CTNNA1: variants seen among roughly 807,000 people sequenced by gnomAD.
The protein encoded by CTNNA1 is catenin alpha 1.
CTNNA1 carries 37 observed loss-of-function variants against 98.4 expected under a neutral mutation model. The observed-to-expected ratio is 0.38, with a 90% CI of 0.29 to 0.49. The LOEUF (loss-of-function observed/expected upper bound fraction) is 0.49, where lower values mean the gene tolerates loss of function less well. Ranked by LOEUF, CTNNA1 falls within the 20% of genes least tolerant of loss-of-function variation. CTNNA1 has a pLI of 0.95. For synonymous variants in CTNNA1, 404 were observed against 413.2 expected, an observed-to-expected ratio of 0.98 and a Z score of 0.27; for missense variants, 761 against 1,147.2, an observed-to-expected ratio of 0.66 and a Z score of 4.86.
At chr5:138,864,990 T>G (rs916782747) in intron 7 of CTNNA1, among the ~76,000 whole-genome samples, 2 of 152,050 alleles carry the variant, frequency 1.3e-5, no homozygotes, top group African/African-American at 2.4e-5. Flanking sequence ...ATTTTTGTAT[T>G]TTTAGTAGAG....
Position 138,918,050 on chromosome 5 carries a change from A to G in CTNNA1, c.1546+152A>G, listed in dbSNP as rs990021560. ...TTTTCATTTTAATGTTAAAAAAGCT[A>G]TCAGCTACAGGGTTTTCAAGTGACA... On this transcript the variant is annotated intron_variant, in intron 11 of 17. Coordinates refer to ENST00000302763, the MANE Select transcript of CTNNA1 (RefSeq NM_001903.5). 7.6e-6 allele frequency: 7 copies of G among 918,970 alleles called. 1 individual carries two copies. In the South Asian group the frequency reaches 1.0e-4, roughly 14 times the overall value. 56.9% of individuals were successfully genotyped at this position (918,970 alleles called of 1,614,324 possible). A position where few individuals can be genotyped will look rare whatever the true frequency, so the allele number is the denominator to read the frequency against.
intron 3 of CTNNA1, among the ~76,000 whole-genome samples, chr5:138,796,784 C>T (rs1383683490): frequency 6.6e-6 from 1 of 152,078 alleles, no homozygotes; most frequent in African/African-American, 2.4e-5. Flanking sequence ...GTCATTTTAG[C>T]GCAGGGCTGT....
intron 3 of CTNNA1, among the ~76,000 whole-genome samples, chr5:138,786,482 C>T (rs148817117): frequency 1.3e-5 from 2 of 152,134 alleles, no homozygotes; most frequent in African/African-American, 4.8e-5. Context: ...TTGGACACCC[C>T]TCCCTTAAAA....
chr5:138,775,800 G>A (rs1475399273), intron 1 of CTNNA1, among the ~76,000 whole-genome samples: 1 of 135,872 alleles, frequency 7.4e-6, no homozygotes, highest in African/African-American at 2.8e-5. Context: ...TCGGTTCACT[G>A]CAACCTCCGC....
chr5:138,788,322 A>G (rs1319954802), intron 3 of CTNNA1, among the ~76,000 whole-genome samples: 2 of 152,204 alleles, frequency 1.3e-5, no homozygotes, highest in African/African-American at 2.4e-5. Flanking sequence ...CGAGAAGTAC[A>G]GTAAGAGAAA....
chr5:138,909,131 A>G lies in CTNNA1; in HGVS notation c.1389+4690A>G, dbSNP rs869312565. On this transcript the variant is annotated intron_variant, in intron 10 of 17. Coordinates refer to ENST00000302763, the MANE Select transcript of CTNNA1 (RefSeq NM_001903.5). ...GGTTTCTGACATTTTGAGTCTTTAA[A>G]ATCAGAGGAGGGCATTTTGGAGATT... 5.3e-5 allele frequency among the ~76,000 whole-genome samples: 8 copies of G among 152,172 alleles called. No individual in the cohort carries two copies. The highest frequency in any genetic ancestry group is 8.8e-5 in the Non-Finnish European group (6 of 68,036).
rs1763595481 is a variant in CTNNA1 at position 138,924,532 on chromosome 5, GA to G, written c.1571del (p.Asn524ThrfsTer32). The G allele has an allele frequency of 6.2e-7, 1 of 1,614,012 alleles. No homozygotes were observed. The highest frequency in any genetic ancestry group is 8.5e-7 in the Non-Finnish European group (1 of 1,180,036). The part of the protein sequence containing the change: ...VSENHILEDV[N>X]KCVIALQEKD... Reference sequence around the variant, plus strand: ...CAGAGAATCACATTTTGGAAGATGTGAACAAATGTGTCATTGCTCTCCAAGA... The same window carrying G: ...CAGAGAATCACATTTTGGAAGATGTGACAAATGTGTCATTGCTCTCCAAGA... On this transcript the variant is annotated frameshift_variant, in exon 12 of 18. Coordinates refer to ENST00000302763, the MANE Select transcript of CTNNA1 (RefSeq NM_001903.5). LOFTEE classifies it high-confidence loss of function.
chr5:138,917,033 C>G (rs1428408177), intron 10 of CTNNA1, among the ~76,000 whole-genome samples: 1 of 152,042 alleles, frequency 6.6e-6, no homozygotes, highest in East Asian at 1.9e-4. Context: ...CTTGGCCTCC[C>G]AAGTGTTGGG....
intron 5 of CTNNA1, 138 bp from the exon 6 acceptor site, chr5:138,824,392 C>T: frequency 1.0e-6 from 1 of 958,602 alleles, no homozygotes; most frequent in Non-Finnish European, 1.5e-6. Context: ...TTGTGATTGA[C>T]TCTCAACTAG....
At chr5:138,879,244 T>A (rs2149978342) in intron 7 of CTNNA1, among the ~76,000 whole-genome samples, 1 of 150,942 alleles carries the variant, frequency 6.6e-6, no homozygotes, top group Middle Eastern at 3.5e-3. Flanking sequence ...TTATGTCCTC[T>A]GCCAAGAACC....
chr5:138,832,746 T>A (rs1438598059), intron 7 of CTNNA1, among the ~76,000 whole-genome samples: 9 of 152,232 alleles, frequency 5.9e-5, no homozygotes, highest in Non-Finnish European at 1.0e-4. Context: ...AAACATGAAA[T>A]ATCCGTAGAA....
chr5:138,848,809 C>T (rs1479345779), intron 7 of CTNNA1, among the ~76,000 whole-genome samples: 3 of 152,154 alleles, frequency 2.0e-5, no homozygotes, highest in Non-Finnish European at 1.5e-5. Flanking sequence ...ACTGCAACCT[C>T]CACTTCCTGG....
At chr5:138,783,106 T>A in intron 2 of CTNNA1, 71 bp from the exon 3 acceptor site, 1 of 1,194,126 alleles carries the variant, frequency 8.4e-7, no homozygotes, top group East Asian at 2.4e-5. Context: ...TAACTTAATC[T>A]TGCTGTCTTT....
chr5:138,821,010 G>A (rs963512280), intron 5 of CTNNA1, among the ~76,000 whole-genome samples: 5 of 152,212 alleles, frequency 3.3e-5, no homozygotes, highest in South Asian at 2.1e-4. Context: ...CTGCTGTCTA[G>A]AATATTGCCT....
In CTNNA1 at chr5:138,917,757, C is replaced by T. The variant is rs28363462; in HGVS notation, c.1405C>T (p.Leu469=). 1.9e-3 allele frequency: 3,043 copies of T among 1,614,036 alleles called. 50 individuals carry two copies. In the African/African-American group the frequency reaches 0.037, roughly 19 times the overall value. ...TCTTTTGCAGGTTATTAATGCTGCA[C>T]TGGCTTTAGCAGCAAAACCACAGAG... is the stretch of plus-strand genomic sequence containing the variant. ...ALCPQVINAA[L]ALAAKPQSKL... The change falls in exon 11 of 18, where the codon CTG becomes TTG. Residue 469 remains leucine (L), a synonymous_variant. Coordinates refer to ENST00000302763, the MANE Select transcript of CTNNA1 (RefSeq NM_001903.5).
chr5:138,790,303 T>C (rs1756214551), intron 3 of CTNNA1, among the ~76,000 whole-genome samples: 1 of 152,246 alleles, frequency 6.6e-6, no homozygotes, highest in African/African-American at 2.4e-5. Flanking sequence ...TTTATTTTCC[T>C]GTGACTTGAG....
At chr5:138,812,492 A>G (rs1472351975) in intron 5 of CTNNA1, among the ~76,000 whole-genome samples, 190 bp downstream of exon 5, 1 of 152,164 alleles carries the variant, frequency 6.6e-6, no homozygotes, top group Non-Finnish European at 1.5e-5. Flanking sequence ...CATTCATGTT[A>G]TGCTCCTATT....
rs1581092558 is a variant in CTNNA1, at chr5:138,806,876, G to C, written c.302-3162G>C. Among the ~76,000 whole-genome samples, 3 of 152,088 alleles carry C rather than the reference G, an allele frequency of 2.0e-5. No individual in the cohort carries two copies. The South Asian group carries it at 6.2e-4, about 32-fold the overall frequency. Reference sequence around the variant, plus strand: ...TGACTCTGCCATTTACTAGTTAGGTGGCAGGGATTTAGTTAGTTAATCTGT... The same window carrying C: ...TGACTCTGCCATTTACTAGTTAGGTCGCAGGGATTTAGTTAGTTAATCTGT... On this transcript the variant is annotated intron_variant, in intron 3 of 17. Coordinates refer to ENST00000302763, the MANE Select transcript of CTNNA1 (RefSeq NM_001903.5).
intron 9 of CTNNA1, among the ~76,000 whole-genome samples, chr5:138,903,028 A>T (rs1269900274): frequency 6.6e-6 from 1 of 152,158 alleles, no homozygotes; most frequent in East Asian, 1.9e-4. Context: ...GCTTGGGTCC[A>T]GATGACAGAG....
Sources: gnomAD v4.1 joint callset for allele counts (sites outside exome capture counted in the v4.1 genomes callset) on GRCh38, gnomAD v4.1.1 for gene constraint, MANE v1.5 for transcripts, NCBI Gene and HGNC (gene_info 2026-07-23, HGNC 2026-07-21) for gene names.